The following HCN1 variants were observed in gnomAD, a reference collection of about 807,000 sequenced individuals.
HCN1 encodes hyperpolarization activated cyclic nucleotide gated potassium channel 1, also known as potassium/sodium hyperpolarization-activated cyclic nucleotide-gated channel 1.
Under a neutral mutation model 78.9 loss-of-function variants are expected in HCN1, and 13 were observed. The observed-to-expected ratio is 0.16, with a 90% CI of 0.11 to 0.26. The LOEUF is 0.26. Ranked by LOEUF, HCN1 falls within the 10% of genes least tolerant of loss-of-function variation. HCN1 has a pLI of 1.00. For synonymous variants in HCN1, 552 were observed against 455.5 expected, an observed-to-expected ratio of 1.21 and a Z score of -2.70; for missense variants, 810 against 1,154.3, an observed-to-expected ratio of 0.70 and a Z score of 4.32.
At chr5:45,464,208 T>C (rs1276257708) in intron 2 of HCN1, among the ~76,000 whole-genome samples, 1 of 152,150 alleles carries the variant, frequency 6.6e-6, no homozygotes, top group African/African-American at 2.4e-5. Flanking sequence ...TAAAATGTTC[T>C]CTAGAGAGAC....
intron 6 of HCN1, among the ~76,000 whole-genome samples, chr5:45,283,032 G>T (rs972872916): frequency 2.6e-5 from 4 of 151,940 alleles, no homozygotes; most frequent in Non-Finnish European, 5.9e-5. Flanking sequence ...ATCTGAACTG[G>T]GTCTAAGAAA....
At chr5:45,539,931 T>C (rs996904093) in intron 2 of HCN1, among the ~76,000 whole-genome samples, 3 of 31,330 alleles carry the variant, frequency 9.6e-5, no homozygotes, top group African/African-American at 1.6e-4. Flanking sequence ...TATATATATA[T>C]ATATATATAT....
chr5:45,665,604 A>G (rs1445714396), intron 1 of HCN1, among the ~76,000 whole-genome samples: 2 of 152,034 alleles, frequency 1.3e-5, no homozygotes, highest in Non-Finnish European at 2.9e-5. Context: ...CCAGAGAGAT[A>G]CTTGGAAAAA....
intron 2 of HCN1, among the ~76,000 whole-genome samples, chr5:45,572,677 G>A (rs1579976568): frequency 6.6e-6 from 1 of 152,028 alleles, no homozygotes; most frequent in Admixed American, 6.6e-5. Flanking sequence ...ATAAAAGATT[G>A]GTGATACAGA....
chr5:45,614,710 C>T (rs1744907916), intron 2 of HCN1, among the ~76,000 whole-genome samples: 1 of 151,962 alleles, frequency 6.6e-6, no homozygotes, highest in Non-Finnish European at 1.5e-5. Context: ...ACTAAATGAG[C>T]TGCATGAAAA....
chr5:45,670,116 T>G (rs1746120845), intron 1 of HCN1, among the ~76,000 whole-genome samples: 1 of 151,302 alleles, frequency 6.6e-6, no homozygotes, highest in Admixed American at 6.6e-5. Context: ...AGAGAAAAAA[T>G]TATACATTCA....
At chr5:45,436,792 T>G (rs189373713) in intron 3 of HCN1, among the ~76,000 whole-genome samples, 135 of 152,274 alleles carry the variant, frequency 8.9e-4, no homozygotes, top group African/African-American at 2.7e-3. Flanking sequence ...AGTCAGTTAT[T>G]TATTTGACAT....
At chr5:45,339,251 G>T (rs1710199637) in intron 5 of HCN1, among the ~76,000 whole-genome samples, 1 of 152,146 alleles carries the variant, frequency 6.6e-6, no homozygotes, top group Admixed American at 6.6e-5. Flanking sequence ...GAAGCTCATA[G>T]TCTTTAAAGA....
Position 45,645,582 on chromosome 5 carries a change from A to C in HCN1, c.452T>G (p.Ile151Arg). The C allele has an allele frequency of 6.2e-7, 1 of 1,606,616 alleles. No homozygotes were observed. The highest frequency in any genetic ancestry group is 8.5e-7 in the Non-Finnish European group (1 of 1,177,350). The change falls in exon 2 of 8, where the codon ATA (isoleucine) becomes AGA (arginine). Residue 151 changes from isoleucine (I) to arginine (R), a missense_variant. This residue lies in a region of HCN1 where 104 missense variants were observed against 402.8 expected (regional missense o/e 0.26). Transcript: ENST00000303230. ...GATGACTAGATTTCCAACCATCATTATAAGCATTATTAAATCCCAGTAAAA... is the reference window on the plus strand; with the variant it reads ...GATGACTAGATTTCCAACCATCATTCTAAGCATTATTAAATCCCAGTAAAA... Reference protein sequence around the residue: ...FRFYWDLIMLIMMVGNLVIIP... With the variant: ...FRFYWDLIMLRMMVGNLVIIP...
chr5:45,424,503 G>A (rs1740298340), intron 3 of HCN1, among the ~76,000 whole-genome samples: 1 of 151,868 alleles, frequency 6.6e-6, no homozygotes, highest in Non-Finnish European at 1.5e-5. Context: ...CACAACACAG[G>A]AGAGAAAAAA....
rs942382542 is a variant in HCN1 at position 45,405,279 on chromosome 5, A to G, written c.1012-8569T>C. Among the ~76,000 whole-genome samples the G allele has an allele frequency of 8.5e-5, 13 of 152,156 alleles. 1 individual carries two copies. Among genetic ancestry groups the G allele is most frequent in the African/African-American group, 3.1e-4 (13 of 41,448 alleles). On this transcript the variant is annotated intron_variant, in intron 3 of 7. Transcript: ENST00000303230. ...GCAGTCATAAGAAGTATAACAGGTC[A>G]TCAGTGTCAAAAAGAGTGTGTTTAC... is the stretch of plus-strand genomic sequence containing the variant.
intron 3 of HCN1, among the ~76,000 whole-genome samples, chr5:45,430,830 G>GA (rs1740448670): frequency 6.6e-6 from 1 of 151,934 alleles, no homozygotes; most frequent in Non-Finnish European, 1.5e-5. Context: ...TCAAAAAAAA[G>GA]AAAAATTACT....
At chr5:45,676,102 T>C (rs1746261266) in intron 1 of HCN1, among the ~76,000 whole-genome samples, 1 of 151,840 alleles carries the variant, frequency 6.6e-6, no homozygotes, top group Non-Finnish European at 1.5e-5. Flanking sequence ...TATATTTTTA[T>C]ATGGTTGAAC....
At position 45,396,386 on chromosome 5, in the gene HCN1, C is replaced by CT. The variant is rs35841808; in HGVS notation, c.1230+105dup. 0.18 allele frequency: 122,402 copies of CT among 672,558 alleles called. 664 individuals are homozygous for CT. The highest frequency in any genetic ancestry group is 0.27 in the East Asian group (7,855 of 29,424). 41.7% of individuals were successfully genotyped at this position (672,558 alleles called of 1,614,324 possible). A position where few individuals can be genotyped will look rare whatever the true frequency, so the allele number is the denominator to read the frequency against. On this transcript the variant is annotated intron_variant, in intron 4 of 7. Transcript: ENST00000303230. ...TGTTTTTACTTTAAACATTTTATCT[C>CT]TTTTTTTTTTTTATAGAGGAGATGG... is the stretch of plus-strand genomic sequence containing the variant.
At chr5:45,424,508 A>G (rs1334587927) in intron 3 of HCN1, among the ~76,000 whole-genome samples, 6 of 152,120 alleles carry the variant, frequency 3.9e-5, no homozygotes, top group African/African-American at 1.4e-4. Context: ...CACAGGAGAG[A>G]AAAAAATTCT....
chr5:45,393,427 T>G (rs892710316), intron 4 of HCN1, among the ~76,000 whole-genome samples: 2 of 152,136 alleles, frequency 1.3e-5, no homozygotes, highest in Non-Finnish European at 2.9e-5. Flanking sequence ...AAAAGGAGTT[T>G]CATTTCATGA....
intron 1 of HCN1, among the ~76,000 whole-genome samples, chr5:45,690,694 TTTTC>T (rs775997565): frequency 2.2e-4 from 33 of 152,184 alleles, no homozygotes; most frequent in Non-Finnish European, 4.6e-4. Flanking sequence ...ATGCAGACTT[TTTTC>T]TTTATTATCA....
intron 4 of HCN1, among the ~76,000 whole-genome samples, chr5:45,377,660 C>T (rs1031934571): frequency 6.6e-6 from 1 of 152,056 alleles, no homozygotes; most frequent in Non-Finnish European, 1.5e-5. Flanking sequence ...ACACCTATCT[C>T]CCTAAGACTC....
At chr5:45,618,082 G>A (rs1178990246) in intron 2 of HCN1, among the ~76,000 whole-genome samples, 5 of 149,852 alleles carry the variant, frequency 3.3e-5, no homozygotes, top group East Asian at 1.9e-4. Context: ...GTTTAGGAAT[G>A]ATGAAAAAGA....
Sources: allele counts gnomAD v4.1 joint callset (sites outside exome capture counted in the v4.1 genomes callset), GRCh38; gene constraint gnomAD v4.1.1; regional missense constraint gnomAD v4.1.1; transcripts MANE v1.5; gene names NCBI Gene and HGNC (gene_info 2026-07-23, HGNC 2026-07-21).